Variants in RBPMS observed in about 807,000 individuals in gnomAD.
RBPMS encodes the protein RNA binding protein, mRNA processing factor.
RBPMS carries 7 observed loss-of-function variants against 26.8 expected under a neutral mutation model. The observed-to-expected ratio is 0.26, with a 90% confidence interval of 0.15 to 0.49. The LOEUF (loss-of-function observed/expected upper bound fraction) is 0.49. RBPMS is among the 20% of genes least tolerant of loss of function. RBPMS has a pLI of 0.98. For synonymous variants in RBPMS, 96 were observed against 93.3 expected, an observed-to-expected ratio of 1.03 and a Z score of -0.17; for missense variants, 186 against 250.0, an observed-to-expected ratio of 0.74 and a Z score of 1.73.
intron 1 of RBPMS, among the ~76,000 whole-genome samples, chr8:30,457,013 A>G (rs1815299142): frequency 6.6e-6 from 1 of 152,220 alleles, no homozygotes; most frequent in South Asian, 2.1e-4. Flanking sequence ...TGGTCGTACT[A>G]AAACACAGAC....
rs1205784859 is a variant in RBPMS, at chr8:30,519,454, CTCTCTTTTTTTTTTTTTT to C, written c.397+15020_397+15037del. Among the ~76,000 whole-genome samples, 394 of 123,482 alleles carry C rather than the reference CTCTCTTTTTTTTTTTTTT, an allele frequency of 3.2e-3. 11 individuals carry two copies. The highest frequency in any genetic ancestry group is 0.012 in the African/African-American group (351 of 30,108). 81.0% of individuals were successfully genotyped at this position (123,482 alleles called of 152,430 possible). On this transcript the variant is annotated intron_variant, in intron 5 of 8. Coordinates refer to ENST00000397323, the MANE Select transcript of RBPMS (RefSeq NM_001008710.3). ...TCTCTCACCCTACGTGGGAGGATCT[CTCTCTTTTTTTTTTTTTT>C]TTTTTTTTTTTTTTTTTTTTTTTTT...
chr8:30,463,987 A>C (rs895796073), intron 1 of RBPMS, among the ~76,000 whole-genome samples: 3 of 152,166 alleles, frequency 2.0e-5, no homozygotes, highest in Admixed American at 6.5e-5. Flanking sequence ...CATTTCTACA[A>C]ATACAGAAAA....
intron 4 of RBPMS, among the ~76,000 whole-genome samples, chr8:30,483,454 C>CT (rs1160240015): frequency 1.3e-5 from 2 of 152,094 alleles, no homozygotes; most frequent in Non-Finnish European, 1.5e-5. Context: ...ACTCATTAAT[C>CT]TAAGTGATCT....
intron 1 of RBPMS, among the ~76,000 whole-genome samples, chr8:30,423,597 T>G (rs1279586619): frequency 6.8e-5 from 10 of 147,750 alleles, no homozygotes; most frequent in Non-Finnish European, 1.2e-4. Context: ...TTTCTGCTTG[T>G]GTCTCAGGAC....
chr8:30,563,081 G>A (rs939915920), intron 7 of RBPMS, among the ~76,000 whole-genome samples: 17 of 152,202 alleles, frequency 1.1e-4, no homozygotes, highest in African/African-American at 2.4e-5. Context: ...TACTGCTCAT[G>A]ATCCTGCAAG....
At chr8:30,473,673 A>G (rs1389969324) in intron 1 of RBPMS, among the ~76,000 whole-genome samples, 1 of 152,208 alleles carries the variant, frequency 6.6e-6, no homozygotes, top group Non-Finnish European at 1.5e-5. Flanking sequence ...TATTCACAAT[A>G]GCAAAATCAT....
intron 1 of RBPMS, among the ~76,000 whole-genome samples, chr8:30,450,572 C>T (rs1015402180): frequency 6.6e-6 from 1 of 152,154 alleles, no homozygotes; most frequent in African/African-American, 2.4e-5. Context: ...TATGCCTCCA[C>T]TGCTGTCCAG....
chr8:30,515,265 C>G (rs926391833), intron 5 of RBPMS, among the ~76,000 whole-genome samples: 1 of 152,200 alleles, frequency 6.6e-6, no homozygotes, highest in African/African-American at 2.4e-5. Flanking sequence ...AGCCACCACA[C>G]CAGGCCAGGA....
chr8:30,551,386 G>T (rs1330178605), intron 6 of RBPMS, among the ~76,000 whole-genome samples: 1 of 152,138 alleles, frequency 6.6e-6, no homozygotes, highest in Admixed American at 6.5e-5. Context: ...TGTGGCTTTG[G>T]CCAGGGTCAC....
Position 30,472,358 on chromosome 8 carries a change from A to G in RBPMS, c.67-2421A>G, listed in dbSNP as rs568201968. Among the ~76,000 whole-genome samples the G allele has an allele frequency of 3.2e-4, 49 of 152,330 alleles. No individual in the cohort carries two copies. In the East Asian group the frequency reaches 5.6e-3, roughly 17 times the overall value. On this transcript the variant is annotated intron_variant, in intron 1 of 8. Coordinates refer to ENST00000397323, the MANE Select transcript of RBPMS (RefSeq NM_001008710.3). ...CTGTATATGTAAGTGTTTGAGACAT[A>G]TATACTAATATAAAGAGATCAGAGC...
chr8:30,538,594 C>G (rs1251865768), intron 5 of RBPMS, among the ~76,000 whole-genome samples: 3 of 152,178 alleles, frequency 2.0e-5, no homozygotes, highest in Non-Finnish European at 4.4e-5. Context: ...ACATCTTCAT[C>G]TACATTTGTC....
Position 30,504,417 on chromosome 8 carries a change from G to T in RBPMS, c.378G>T (p.Gln126His). 1 of 1,614,098 alleles carries T rather than the reference G, an allele frequency of 6.2e-7. No homozygotes were observed. The highest frequency in any genetic ancestry group is 8.5e-7 in the Non-Finnish European group (1 of 1,179,950). The change falls in exon 5 of 9, where the codon CAG becomes CAT. Residue 126 changes from glutamine (Q) to histidine (H), a missense_variant. Around this residue, in one of 3 missense-constraint regions of RBPMS, gnomAD observed 98 missense variants for 113.6 expected, o/e 0.86. Coordinates refer to ENST00000397323, the MANE Select transcript of RBPMS (RefSeq NM_001008710.3). ...CTCCTCTGCCCAACACTGTACCTCA[G>T]TTCATTGCCAGAGAGCCATGTAAGT... ...PSTPLPNTVP[Q>H]FIAREPYELT...
chr8:30,442,674 G>A (rs1813236379), intron 1 of RBPMS: 7 of 152,350 alleles, frequency 4.6e-5, no homozygotes, highest in Admixed American at 4.6e-4. Flanking sequence ...GCAGGCGGAA[G>A]CTGGGTCAGG....
intron 1 of RBPMS, among the ~76,000 whole-genome samples, chr8:30,445,920 C>T (rs1339392945): frequency 1.3e-5 from 2 of 152,100 alleles, no homozygotes; most frequent in East Asian, 3.8e-4. Context: ...CCGCCTCAGC[C>T]TCCCAAAGTG....
chr8:30,484,268 C>A (rs1274347716), intron 4 of RBPMS, among the ~76,000 whole-genome samples: 4 of 152,158 alleles, frequency 2.6e-5, no homozygotes, highest in Non-Finnish European at 5.9e-5. Flanking sequence ...TTGCTAAATG[C>A]TGTTTGACTG....
intron 5 of RBPMS, among the ~76,000 whole-genome samples, chr8:30,543,768 G>A (rs559402736): frequency 2.0e-5 from 3 of 152,198 alleles, no homozygotes; most frequent in South Asian, 2.1e-4. Context: ...GGAGCTGCCT[G>A]AGGAACACTT....
chr8:30,384,696 C>T lies in RBPMS; in HGVS notation c.-397C>T, dbSNP rs1303664813. 1.2e-5 allele frequency: 2 copies of T among 169,658 alleles called. No individual in the cohort carries two copies. The highest frequency in any genetic ancestry group is 4.8e-5 in the African/African-American group (2 of 41,980). The allele number at this position is 169,658 out of a possible 1,614,324, so 10.5% of individuals were successfully genotyped here. A position where few individuals can be genotyped will look rare whatever the true frequency, so the allele number is the denominator to read the frequency against. ...CTTCCAGCGGCTGCAGCCCCCAGCC[C>T]CAACTCTCCGCGCTTACTCCTGGGA... is the stretch of plus-strand genomic sequence containing the variant. On this transcript the variant is annotated 5_prime_UTR_variant, in exon 1 of 9. Transcript: ENST00000397323. This position sits in a 1 kb window ranked among gnomAD's most constrained non-coding sequence, Gnocchi z 5.6.
At chr8:30,386,569 G>C (rs1302626439) in intron 1 of RBPMS, among the ~76,000 whole-genome samples, 1 of 152,088 alleles carries the variant, frequency 6.6e-6, no homozygotes, top group Non-Finnish European at 1.5e-5. Flanking sequence ...AATGCTACTG[G>C]CATTTCTTTT....
rs555576676 is a variant in RBPMS, at chr8:30,528,357, A to C, written c.398-16137A>C. Among the ~76,000 whole-genome samples the C allele has an allele frequency of 1.4e-4, 21 of 152,192 alleles. No homozygotes were observed. In the South Asian group the frequency reaches 1.5e-3, roughly 11 times the overall value. On this transcript the variant is annotated intron_variant, in intron 5 of 8. Coordinates refer to ENST00000397323, the MANE Select transcript of RBPMS (RefSeq NM_001008710.3). ...ATCAGCCCTGAAATTTTACTGGTAC[A>C]GAGACTGGAGAAAGAGGGGTGGGTG...
Sources: gnomAD v4.1 joint callset for allele counts (sites outside exome capture counted in the v4.1 genomes callset) on GRCh38, gnomAD v4.1.1 for gene constraint, gnomAD v4.1.1 regional missense constraint, Gnocchi (gnomAD v3.1) non-coding constraint, MANE v1.5 for transcripts, NCBI Gene and HGNC (gene_info 2026-07-23, HGNC 2026-07-21) for gene names.